The following PPP2R2B variants were observed in gnomAD, a reference collection of about 807,000 sequenced individuals.
PPP2R2B encodes serine/threonine-protein phosphatase 2A 55 kDa regulatory subunit B beta isoform.
A neutral mutation model predicts 46.0 loss-of-function variants in PPP2R2B; 5 were observed. The ratio of observed to expected loss-of-function variants is 0.11; its 90% CI spans 0.06 to 0.23. PPP2R2B has a LOEUF of 0.23. PPP2R2B is among the 10% of genes least tolerant of loss of function. PPP2R2B has a pLI of 1.00. For missense variants in PPP2R2B, 367 were observed against 575.0 expected, an observed-to-expected ratio of 0.64 and a Z score of 3.70; for synonymous variants, 215 against 206.7, an observed-to-expected ratio of 1.04 and a Z score of -0.34.
intron 2 of PPP2R2B, among the ~76,000 whole-genome samples, chr5:147,066,130 A>G (rs1271283522): frequency 6.6e-6 from 1 of 152,154 alleles, no homozygotes; most frequent in Non-Finnish European, 1.5e-5. Context: ...TTCTGGGTTT[A>G]AATCATAGGT....
intron 2 of PPP2R2B, among the ~76,000 whole-genome samples, chr5:146,861,931 T>C (rs1761031643): frequency 6.6e-6 from 1 of 152,116 alleles, no homozygotes; most frequent in South Asian, 2.1e-4. Flanking sequence ...TAATTTTTCT[T>C]ATTGATATTA....
At chr5:146,943,724 T>C (rs1204771618) in intron 1 of PPP2R2B, among the ~76,000 whole-genome samples, 3 of 152,134 alleles carry the variant, frequency 2.0e-5, no homozygotes, top group Non-Finnish European at 4.4e-5. Flanking sequence ...AAGTATTCTT[T>C]CCCCAGAGAA....
chr5:146,887,952 G>A (rs758015960), intron 1 of PPP2R2B, among the ~76,000 whole-genome samples: 7 of 152,164 alleles, frequency 4.6e-5, no homozygotes, highest in Non-Finnish European at 1.0e-4. Flanking sequence ...GTATTCCATT[G>A]TCTTTAACTC....
intron 1 of PPP2R2B, among the ~76,000 whole-genome samples, chr5:146,999,013 C>CAAAAAAAAAAAAAAAAAAAAAAAAA: frequency 1.5e-5 from 1 of 65,298 alleles, no homozygotes; most frequent in Non-Finnish European, 2.7e-5. Flanking sequence ...GACTCCATAT[C>CAAAAAAAAAAAAAAAAAAAAAAAAA]AAAAAAAAAA....
chr5:146,807,719 T>C (rs1757260304), intron 2 of PPP2R2B, among the ~76,000 whole-genome samples: 1 of 146,642 alleles, frequency 6.8e-6, no homozygotes, highest in Admixed American at 6.9e-5. Context: ...GAGTATGTGC[T>C]TAACCACCAG....
chr5:146,839,672 C>T (rs908165352), intron 2 of PPP2R2B, among the ~76,000 whole-genome samples: 11 of 152,248 alleles, frequency 7.2e-5, no homozygotes, highest in Admixed American at 7.2e-4. Flanking sequence ...AATCTGCTGA[C>T]CATCCCAAAA....
At chr5:146,777,239 A>G (rs1001460283) in intron 2 of PPP2R2B, among the ~76,000 whole-genome samples, 3 of 152,180 alleles carry the variant, frequency 2.0e-5, no homozygotes, top group Admixed American at 6.5e-5. Context: ...CATCAACAGA[A>G]GAACGAATAA....
At chr5:146,798,748 T>C (rs1404833911) in intron 2 of PPP2R2B, among the ~76,000 whole-genome samples, 1 of 152,178 alleles carries the variant, frequency 6.6e-6, no homozygotes, top group Non-Finnish European at 1.5e-5. Context: ...ATCCTATCAA[T>C]AACTTGATGA....
chr5:146,737,855 A>C (rs1752631575), intron 2 of PPP2R2B, among the ~76,000 whole-genome samples: 1 of 151,964 alleles, frequency 6.6e-6, no homozygotes, highest in Non-Finnish European at 1.5e-5. Flanking sequence ...TGGGAGGATC[A>C]CTTGAGCCCA....
At chr5:146,789,915 A>C (rs1313815397) in intron 2 of PPP2R2B, among the ~76,000 whole-genome samples, 1 of 152,230 alleles carries the variant, frequency 6.6e-6, no homozygotes, top group Non-Finnish European at 1.5e-5. Flanking sequence ...CAGGGGCCAG[A>C]TCAGGGAGAC....
intron 2 of PPP2R2B, among the ~76,000 whole-genome samples, chr5:146,806,547 T>C (rs778681723): frequency 5.9e-5 from 9 of 152,256 alleles, no homozygotes; most frequent in Non-Finnish European, 1.3e-4. Context: ...CTATGCAGAC[T>C]GACCCCAAAG....
intron 2 of PPP2R2B, among the ~76,000 whole-genome samples, chr5:146,710,311 G>GGT (rs1273207649): frequency 2.0e-5 from 3 of 152,166 alleles, no homozygotes; most frequent in Non-Finnish European, 4.4e-5. Context: ...GTGGGAAGCA[G>GGT]GTGAGTAATG....
At chr5:146,724,613 A>C (rs915288383) in intron 2 of PPP2R2B, among the ~76,000 whole-genome samples, 1 of 152,202 alleles carries the variant, frequency 6.6e-6, no homozygotes, top group Non-Finnish European at 1.5e-5. Flanking sequence ...AGATATATAC[A>C]TGTGCACACA....
rs7700780 is a variant in PPP2R2B, at chr5:147,005,728, A to G, written c.79+49937T>C. ...GAAGAAGACAGAGAGAGGAAGAGAC[A>G]GAGAAACAGAAAGTCAAAGAAGGAA... is the stretch of plus-strand genomic sequence containing the variant. On this transcript the variant is annotated intron_variant, in intron 1 of 8. Transcript: ENST00000336640. 7.4e-3 allele frequency among the ~76,000 whole-genome samples: 1,124 copies of G among 152,292 alleles called. 12 individuals are homozygous for G. Among genetic ancestry groups the G allele is most frequent in the African/African-American group, 0.026 (1,075 of 41,562 alleles).
intron 1 of PPP2R2B, among the ~76,000 whole-genome samples, chr5:146,964,792 TG>T (rs1462126913): frequency 6.6e-6 from 1 of 152,116 alleles, no homozygotes. Context: ...CCCAAAGTGC[TG>T]GGATTACAGG....
chr5:146,653,861 T>G (rs566153826), intron 5 of PPP2R2B, among the ~76,000 whole-genome samples: 6 of 152,194 alleles, frequency 3.9e-5, no homozygotes, highest in African/African-American at 1.4e-4. Context: ...GATGGAGAGC[T>G]GAATGCCGCT....
intron 2 of PPP2R2B, among the ~76,000 whole-genome samples, chr5:146,844,259 C>T (rs1264951099): frequency 6.7e-6 from 1 of 149,728 alleles, no homozygotes; most frequent in African/African-American, 2.5e-5. Flanking sequence ...TGCTAGATGA[C>T]ACGTTAGTGG....
At chr5:146,937,504 G>A (rs1279779466) in intron 1 of PPP2R2B, among the ~76,000 whole-genome samples, 3 of 152,132 alleles carry the variant, frequency 2.0e-5, no homozygotes, top group South Asian at 2.1e-4. Context: ...GAAGAACTGT[G>A]GGTCCACAGA....
intron 2 of PPP2R2B, among the ~76,000 whole-genome samples, chr5:146,838,425 G>C (rs1330168302): frequency 1.3e-5 from 2 of 151,950 alleles, no homozygotes; most frequent in African/African-American, 4.8e-5. Context: ...TACAAAATTA[G>C]CTGGGCATGA....
Sources: gnomAD v4.1 joint callset for allele counts (sites outside exome capture counted in the v4.1 genomes callset) on GRCh38, gnomAD v4.1.1 for gene constraint, MANE v1.5 for transcripts, NCBI Gene and HGNC (gene_info 2026-07-23, HGNC 2026-07-21) for gene names.